USP16: variants seen among roughly 807,000 people sequenced by gnomAD.
USP16 encodes the protein ubiquitin specific peptidase 16, also known as ubiquitin carboxyl-terminal hydrolase 16.
In USP16, 77 loss-of-function variants were observed where a neutral mutation model predicts 95.9. The observed-to-expected ratio is 0.80, with a 90% CI of 0.67 to 0.97. The LOEUF is 0.97. Ranked by LOEUF, USP16 falls within the 50% of genes least tolerant of loss-of-function variation. The pLI is 0.00. For missense variants in USP16, 943 were observed against 959.9 expected, an observed-to-expected ratio of 0.98 and a Z score of 0.23; for synonymous variants, 303 against 318.2, an observed-to-expected ratio of 0.95 and a Z score of 0.51.
At chr21:29,052,097 T>C (rs2085424197) in intron 16 of USP16, 2 of 152,096 alleles carry the variant, frequency 1.3e-5, no homozygotes, top group Admixed American at 1.3e-4. Context: ...AACTTTAATG[T>C]GTATGTGGGA....
intron 7 of USP16, 43 bp from the exon 8 acceptor site, chr21:29,038,983 C>T (rs1421490450): frequency 1.4e-6 from 2 of 1,448,126 alleles, no homozygotes; most frequent in East Asian, 5.1e-5. Flanking sequence ...GTCAGTGATT[C>T]CAGAATTTGA....
chr21:29,038,045 A>G (rs2146375574), intron 6 of USP16, among the ~76,000 whole-genome samples: 1 of 152,314 alleles, frequency 6.6e-6, no homozygotes, highest in Middle Eastern at 3.4e-3. Context: ...ATACGTACCT[A>G]CAGGTAGTGG....
intron 1 of USP16, 56 bp from the exon 2 acceptor site, chr21:29,027,817 A>G: frequency 1.6e-6 from 2 of 1,249,062 alleles, no homozygotes; most frequent in Middle Eastern, 1.9e-4. Context: ...TGTCTCCTAG[A>G]GAAATATAAG....
rs776441882 is a variant in USP16, at chr21:29,047,063, C to T, written c.1753C>T (p.Leu585Phe). ...CAAAAACCTAAATTTGAATGCTGCTCTTCATCCTGATGAAATAAATATAGA... is the reference window on the plus strand; with the variant it reads ...CAAAAACCTAAATTTGAATGCTGCTTTTCATCCTGATGAAATAAATATAGA... ...GFKNLNLNAA[L>F]HPDEINIEIL... The change falls in exon 14 of 18, where the codon CTT (leucine) becomes TTT (phenylalanine). Residue 585 changes from leucine (L) to phenylalanine (F), a missense_variant. Leu to Phe is a conservative substitution (Grantham distance 22, BLOSUM62 0). Transcript: ENST00000399976. The T allele has an allele frequency of 1.2e-6, 2 of 1,614,072 alleles. No individual in the cohort carries two copies. The highest frequency in any genetic ancestry group is 1.7e-6 in the Non-Finnish European group (2 of 1,180,024).
chr21:29,049,474 C>T (rs895193237), intron 15 of USP16, among the ~76,000 whole-genome samples: 1 of 152,190 alleles, frequency 6.6e-6, no homozygotes, highest in African/African-American at 2.4e-5. Flanking sequence ...TATGCTATCG[C>T]TGAGTTTTAA....
intron 16 of USP16, 98 bp downstream of exon 16, chr21:29,050,276 C>CA: frequency 9.9e-7 from 1 of 1,006,462 alleles, no homozygotes. Context: ...AAGTTGATAA[C>CA]ACTTATTGAG....
chr21:29,032,225 T>C (rs2085087725), intron 3 of USP16, among the ~76,000 whole-genome samples: 1 of 152,118 alleles, frequency 6.6e-6, no homozygotes, highest in Admixed American at 6.5e-5. Flanking sequence ...CATTTGGGGA[T>C]TGGCTTTTGC....
At position 29,030,791 on chromosome 21, in the gene USP16, G is replaced by A. The variant is rs377219525; in HGVS notation, c.240+18G>A. On this transcript the variant is annotated intron_variant, in intron 3 of 17. Coordinates refer to ENST00000399976, the MANE Select transcript of USP16 (RefSeq NM_006447.3). ...GCCATCAGGTATGCTTACGTTTTAA[G>A]ATCAATATGGGATTTTAGAAAACTC... The A allele has an allele frequency of 8.3e-5, 132 of 1,584,412 alleles. No individual in the cohort carries two copies. The African/African-American group carries it at 1.7e-3, about 21-fold the overall frequency.
In USP16 at chr21:29,024,925, C is replaced by T. The variant is rs2084963155; in HGVS notation, c.-42+148C>T. 20 of 803,476 alleles carry T rather than the reference C, an allele frequency of 2.5e-5. No homozygotes were observed. In the South Asian group the frequency reaches 3.6e-4, roughly 15 times the overall value. The allele number at this position is 803,476 out of a possible 1,614,324, so 49.8% of individuals were successfully genotyped here. A position where few individuals can be genotyped will look rare whatever the true frequency, so the allele number is the denominator to read the frequency against. On this transcript the variant is annotated intron_variant, in intron 1 of 17. Coordinates refer to ENST00000399976, the MANE Select transcript of USP16 (RefSeq NM_006447.3). ...CGGCTACTTTCCGGTACTGCGATCT[C>T]ATTGGCTGCATGTTCTGTCAGTTCC...
In USP16 at chr21:29,054,337, T is replaced by C. The variant is rs1215958144; in HGVS notation, c.*150T>C. On this transcript the variant is annotated 3_prime_UTR_variant, in exon 18 of 18. Transcript: ENST00000399976. ...TTTATTTAAATATTGAAGGGAAAAA[T>C]ACCTAAAAATGTACAAAGGTTTTAT... 9.8e-7 allele frequency: 1 copy of C among 1,021,044 alleles called. No homozygotes were observed. Among genetic ancestry groups the C allele is most frequent in the Non-Finnish European group, 1.4e-6 (1 of 723,962 alleles). 63.2% of individuals were successfully genotyped at this position (1,021,044 alleles called of 1,614,324 possible). A position where few individuals can be genotyped will look rare whatever the true frequency, so the allele number is the denominator to read the frequency against.
chr21:29,030,750 CTG>C lies in USP16; in HGVS notation c.221_222del (p.Cys74SerfsTer2). 6.2e-7 allele frequency: 1 copy of C among 1,610,480 alleles called. No individual in the cohort carries two copies. The highest frequency in any genetic ancestry group is 8.5e-7 in the Non-Finnish European group (1 of 1,178,896). The stretch of plus-strand genomic sequence containing the variant: ...AACAGAAGAAAAGCCTTCAGTTTGG[CTG>C]TGTCTTAAATGTGGCCATCAGGTAT... ...EETEEKPSVWLCLKCGHQGCG... is the reference protein window; with the variant it reads ...EETEEKPSVWXCLKCGHQGCG... On this transcript the variant is annotated frameshift_variant, in exon 3 of 18. Coordinates refer to ENST00000399976, the MANE Select transcript of USP16 (RefSeq NM_006447.3). LOFTEE classifies it high-confidence loss of function.
rs767501915 is a variant in USP16, at chr21:29,030,610, A to G, written c.77A>G (p.His26Arg). 2 of 1,605,178 alleles carry G rather than the reference A, an allele frequency of 1.2e-6. No individual in the cohort carries two copies. The highest frequency in any genetic ancestry group is 1.1e-5 in the South Asian group (1 of 88,978). Residue 26 changes from histidine to arginine, a missense_variant, in exon 3 of 18, where the codon CAC (histidine) becomes CGC (arginine). By Grantham distance (29) the His-to-Arg change is conservative. Coordinates refer to ENST00000399976, the MANE Select transcript of USP16 (RefSeq NM_006447.3). Reference protein sequence around the residue: ...SSETLEPVCRHIRKGLEQGNL... With the variant: ...SSETLEPVCRRIRKGLEQGNL... ...GTTTTAATAGAACCTGTGTGCAGAC[A>G]CATTAGAAAAGGATTGGAACAAGGT...
intron 6 of USP16, among the ~76,000 whole-genome samples, chr21:29,037,962 G>T (rs1229406131): frequency 1.3e-5 from 2 of 152,240 alleles, no homozygotes; most frequent in African/African-American, 4.8e-5. Flanking sequence ...GGGTTTGAAA[G>T]AAATATTGCT....
At chr21:29,050,249 C>T in intron 16 of USP16, 71 bp downstream of exon 16, 1 of 1,354,030 alleles carries the variant, frequency 7.4e-7, no homozygotes, top group Non-Finnish European at 1.0e-6. Context: ...GCTCCAGTAG[C>T]AACTCACTTA....
At chr21:29,034,294 A>C (rs928844449) in intron 3 of USP16, among the ~76,000 whole-genome samples, 13 of 147,868 alleles carry the variant, frequency 8.8e-5, no homozygotes, top group Non-Finnish European at 1.6e-4. Flanking sequence ...CTTTGAGTGC[A>C]TGGTTTTCTT....
At chr21:29,049,006 T>C (rs2085373351) in intron 15 of USP16, 151 bp downstream of exon 15, 3 of 645,610 alleles carry the variant, frequency 4.6e-6, no homozygotes, top group South Asian at 4.3e-5. Context: ...GGGAAAAACA[T>C]AGGGGCTAGG....
chr21:29,040,720 A>G lies in USP16; in HGVS notation c.1030+33A>G, dbSNP rs771331303. ...CTGACTTTTTGAACTAAAACACTAT[A>G]GTTGAATTCCTCTGTACCTTAGGAC... On this transcript the variant is annotated intron_variant, in intron 10 of 17. Coordinates refer to ENST00000399976, the MANE Select transcript of USP16 (RefSeq NM_006447.3). 2.5e-6 allele frequency: 3 copies of G among 1,222,390 alleles called. No homozygotes were observed. In the East Asian group the frequency reaches 7.3e-5, roughly 30 times the overall value. The allele number at this position is 1,222,390 out of a possible 1,614,324, so 75.7% of individuals were successfully genotyped here.
chr21:29,053,844 G>A lies in USP16; in HGVS notation c.2236G>A (p.Gly746Arg). The change falls in exon 17 of 18, where the codon GGA becomes AGA. Residue 746 changes from glycine (G) to arginine (R), a missense_variant. Gly to Arg is a moderately radical substitution (Grantham distance 125). Transcript: ENST00000399976. ...ENTRVLYSLY[G>R]VVEHSGTMRS... ...TACAAGGGTACTCTATTCCTTATAT[G>A]GAGTTGTTGAACACAGTGGTACTAT... 1 of 1,613,990 alleles carries A rather than the reference G, an allele frequency of 6.2e-7. No individual in the cohort carries two copies. The highest frequency in any genetic ancestry group is 8.5e-7 in the Non-Finnish European group (1 of 1,179,984).
intron 8 of USP16, 117 bp downstream of exon 8, chr21:29,039,273 T>C (rs1468465680): frequency 1.7e-6 from 2 of 1,153,790 alleles, no homozygotes; most frequent in African/African-American, 3.2e-5. Flanking sequence ...CAACCCTCTA[T>C]ATACAAAAGG....
Sources: allele counts gnomAD v4.1 joint callset (sites outside exome capture counted in the v4.1 genomes callset), GRCh38; gene constraint gnomAD v4.1.1; transcripts MANE v1.5; gene names NCBI Gene and HGNC (gene_info 2026-07-23, HGNC 2026-07-21).